PPIL6: variants seen among roughly 807,000 people sequenced by gnomAD.
PPIL6 encodes the protein probable inactive peptidyl-prolyl cis-trans isomerase-like 6.
PPIL6 carries 39 observed loss-of-function variants against 36.8 expected under a neutral mutation model. That is an observed-to-expected ratio of 1.06 (90% CI 0.82 to 1.38). The LOEUF (loss-of-function observed/expected upper bound fraction) is 1.38, where lower values mean the gene tolerates loss of function less well. Among genes scored for constraint, PPIL6 ranks in the 40% most tolerant of loss-of-function variants. PPIL6 has a pLI of 0.00. For missense variants in PPIL6, 368 were observed against 379.1 expected, an observed-to-expected ratio of 0.97 and a Z score of 0.24; for synonymous variants, 123 against 134.1, an observed-to-expected ratio of 0.92 and a Z score of 0.57.
At chr6:109,393,937 A>G (rs1772195286) in intron 7 of PPIL6, among the ~76,000 whole-genome samples, 1 of 152,174 alleles carries the variant, frequency 6.6e-6, no homozygotes, top group Admixed American at 6.5e-5. Context: ...ATTTATTTGT[A>G]TGCTTCTTTG....
At chr6:109,437,964 T>C (rs1404358654) in intron 1 of PPIL6, among the ~76,000 whole-genome samples, 2 of 152,242 alleles carry the variant, frequency 1.3e-5, no homozygotes, top group Non-Finnish European at 2.9e-5. Context: ...GTATTTGTTG[T>C]AGAACGGACT....
intron 1 of PPIL6, chr6:109,440,150 GT>G: frequency 3.3e-6 from 1 of 303,164 alleles, no homozygotes; most frequent in East Asian, 1.0e-4. Flanking sequence ...AAATCTGCGG[GT>G]GTGTGTGTGT....
intron 3 of PPIL6, 88 bp downstream of exon 3, chr6:109,431,069 C>A: frequency 1.1e-6 from 1 of 924,632 alleles, no homozygotes; most frequent in Non-Finnish European, 1.6e-6. Context: ...TTTATAATCT[C>A]CTTCATTAGG....
At chr6:109,437,472 T>C (rs1774508727) in intron 1 of PPIL6, among the ~76,000 whole-genome samples, 2 of 152,046 alleles carry the variant, frequency 1.3e-5, no homozygotes, top group Admixed American at 6.6e-5. Flanking sequence ...AAGCAATAGC[T>C]GACGCATCTT....
chr6:109,440,404 G>C (rs112826718), intron 1 of PPIL6, 52 bp downstream of exon 1: 1 of 1,525,646 alleles, frequency 6.6e-7, no homozygotes, highest in African/African-American at 1.4e-5. Context: ...CCACGCGGCC[G>C]AGAGCGGGTA....
chr6:109,415,123 C>T (rs35056702), intron 6 of PPIL6, among the ~76,000 whole-genome samples: 69,199 of 151,870 alleles, frequency 0.46, 17,060 homozygotes, highest in African/African-American at 0.67. Flanking sequence ...GAGAGGTGGA[C>T]GAGGTAGAAG....
At chr6:109,407,240 C>CT (rs111574045) in intron 6 of PPIL6, among the ~76,000 whole-genome samples, 12,110 of 144,606 alleles carry the variant, frequency 0.084, 1,269 homozygotes, top group African/African-American at 0.25. Context: ...ATGGAATATT[C>CT]TTTTTTTTTT....
intron 7 of PPIL6, among the ~76,000 whole-genome samples, chr6:109,393,850 G>C (rs558700600): frequency 6.6e-6 from 1 of 152,298 alleles, no homozygotes; most frequent in Admixed American, 6.5e-5. Flanking sequence ...CTCCTTGGGG[G>C]AAGTTTCCCA....
At chr6:109,440,149 G>GGT (rs142756236) in intron 1 of PPIL6, 331 of 413,080 alleles carry the variant, frequency 8.0e-4, no homozygotes, top group East Asian at 9.6e-4. Flanking sequence ...AAAATCTGCG[G>GGT]GTGTGTGTGT....
At chr6:109,404,396 T>C (rs2115208079) in intron 6 of PPIL6, among the ~76,000 whole-genome samples, 1 of 152,346 alleles carries the variant, frequency 6.6e-6, no homozygotes, top group East Asian at 1.9e-4. Flanking sequence ...ATCTGCAACG[T>C]GTTGCTGCAG....
At chr6:109,409,435 G>A (rs1016967971) in intron 6 of PPIL6, among the ~76,000 whole-genome samples, 2 of 152,020 alleles carry the variant, frequency 1.3e-5, no homozygotes, top group Admixed American at 1.3e-4. Flanking sequence ...AGGGCGGCAG[G>A]TGCCTGTAAT....
chr6:109,416,990 A>T (rs1446776115), intron 6 of PPIL6, among the ~76,000 whole-genome samples: 1 of 151,994 alleles, frequency 6.6e-6, no homozygotes, highest in Non-Finnish European at 1.5e-5. Context: ...CAACAGAGCA[A>T]GACCCCATCT....
Position 109,440,469 on chromosome 6 carries a change from T to C in PPIL6, c.122A>G (p.Lys41Arg). 6.5e-7 allele frequency: 1 copy of C among 1,539,332 alleles called. No homozygotes were observed. The highest frequency in any genetic ancestry group is 1.2e-5 in the South Asian group (1 of 83,154). ...LFSCPNFQIA[K>R]SAAENLKNNH... ...CTCTGTGGTTACCTCAGCGGCGCTCTTCGCAATCTGAAAGTTGGGGCAGCT... is the reference window on the plus strand; with the variant it reads ...CTCTGTGGTTACCTCAGCGGCGCTCCTCGCAATCTGAAAGTTGGGGCAGCT... Residue 41 changes from lysine to arginine, a missense_variant, in exon 1 of 8, where the codon AAG becomes AGG. Coordinates refer to ENST00000521072, the MANE Select transcript of PPIL6 (RefSeq NM_173672.5).
chr6:109,395,712 C>A (rs532144541), intron 7 of PPIL6, among the ~76,000 whole-genome samples: 2 of 151,002 alleles, frequency 1.3e-5, no homozygotes, highest in African/African-American at 4.9e-5. Flanking sequence ...TCAAGCGATT[C>A]TCCTGCCTCA....
chr6:109,410,915 AAT>A (rs1343342283), intron 6 of PPIL6, among the ~76,000 whole-genome samples: 1 of 152,160 alleles, frequency 6.6e-6, no homozygotes, highest in African/African-American at 2.4e-5. Flanking sequence ...ACAGGGGAAA[AAT>A]ATCTCTCTAG....
chr6:109,436,487 G>A (rs1774455087), intron 1 of PPIL6, among the ~76,000 whole-genome samples: 1 of 152,178 alleles, frequency 6.6e-6, no homozygotes, highest in Non-Finnish European at 1.5e-5. Flanking sequence ...GGAGGCTGAG[G>A]TGGGCAGATC....
intron 1 of PPIL6, chr6:109,440,212 T>A: frequency 1.7e-6 from 1 of 590,746 alleles, no homozygotes; most frequent in Middle Eastern, 2.6e-4. Flanking sequence ...GAACCCTTCC[T>A]TCGCTCAGTT....
At chr6:109,401,026 ATTT>A (rs749611966) in intron 6 of PPIL6, among the ~76,000 whole-genome samples, 2 of 114,948 alleles carry the variant, frequency 1.7e-5, no homozygotes, top group African/African-American at 3.7e-5. Flanking sequence ...TGCCCGGCTA[ATTT>A]TTTTTTTTTT....
In PPIL6 at chr6:109,395,921, C is replaced by T. The variant is rs148839184; in HGVS notation, c.825-2984G>A. Among the ~76,000 whole-genome samples the T allele has an allele frequency of 3.7e-4, 56 of 151,054 alleles. No individual in the cohort carries two copies. The East Asian group carries it at 9.2e-3, about 25-fold the overall frequency. On this transcript the variant is annotated intron_variant, in intron 7 of 7. Transcript: ENST00000521072. ...TGCGATCTCCGCTCACTGCAAGCTC[C>T]GCCTCCCGGGTTGACACCATTCTGC...
Sources: allele counts gnomAD v4.1 joint callset (sites outside exome capture counted in the v4.1 genomes callset), GRCh38; gene constraint gnomAD v4.1.1; transcripts MANE v1.5; gene names NCBI Gene and HGNC (gene_info 2026-07-23, HGNC 2026-07-21).